The following EXT1 variants were observed in gnomAD, a reference collection of about 807,000 sequenced individuals.
EXT1 encodes exostosin-1.
In EXT1, 20 loss-of-function variants were observed where a neutral mutation model predicts 82.5. That is an observed-to-expected ratio of 0.24 (90% CI 0.17 to 0.35). The LOEUF (loss-of-function observed/expected upper bound fraction) is 0.35, where lower values mean the gene tolerates loss of function less well. Among genes scored for constraint, EXT1 ranks in the 10% least tolerant of loss-of-function variants. The pLI is 1.00. For synonymous variants in EXT1, 348 were observed against 350.8 expected (o/e 0.99, Z 0.09); for missense variants, 757 against 936.5 (o/e 0.81, Z 2.50).
At chr8:117,981,752 C>T (rs1815208484) in intron 1 of EXT1, among the ~76,000 whole-genome samples, 1 of 149,660 alleles carries the variant, frequency 6.7e-6, no homozygotes, top group South Asian at 2.1e-4. Context: ...CAGGCAGGCA[C>T]CTATAATCCC....
At chr8:118,104,632 C>T (rs751699927) in intron 1 of EXT1, among the ~76,000 whole-genome samples, 1 of 152,158 alleles carries the variant, frequency 6.6e-6, no homozygotes, top group African/African-American at 2.4e-5. Flanking sequence ...TGCTTGAGAC[C>T]AAAAGTGTTT....
intron 1 of EXT1, among the ~76,000 whole-genome samples, chr8:118,055,542 A>T (rs771293275): frequency 2.6e-5 from 4 of 152,220 alleles, no homozygotes; most frequent in African/African-American, 4.8e-5. Context: ...CGGTTTTTCC[A>T]GTATAAAGAA....
chr8:117,812,446 C>T (rs1241634034), intron 8 of EXT1, among the ~76,000 whole-genome samples: 1 of 152,122 alleles, frequency 6.6e-6, no homozygotes, highest in Admixed American at 6.5e-5. Context: ...TAGAGCTCCA[C>T]ATAGAGTCTC....
At chr8:117,986,966 T>C (rs1815334581) in intron 1 of EXT1, among the ~76,000 whole-genome samples, 1 of 152,208 alleles carries the variant, frequency 6.6e-6, no homozygotes, top group Non-Finnish European at 1.5e-5. Flanking sequence ...AATGCAAATT[T>C]GAGCCAGTGT....
intron 4 of EXT1, among the ~76,000 whole-genome samples, chr8:117,828,270 A>G (rs1308982328): frequency 6.6e-6 from 1 of 152,188 alleles, no homozygotes; most frequent in Non-Finnish European, 1.5e-5. Flanking sequence ...AAATGAATGT[A>G]TACTTCTTTA....
intron 4 of EXT1, among the ~76,000 whole-genome samples, chr8:117,824,286 T>A (rs1396514069): frequency 6.6e-6 from 1 of 152,222 alleles, no homozygotes; most frequent in Admixed American, 6.5e-5. Flanking sequence ...GGTCTTTGGA[T>A]GGTATGCTTG....
intron 1 of EXT1, among the ~76,000 whole-genome samples, chr8:117,874,813 GCA>G (rs1812938891): frequency 6.6e-6 from 1 of 152,108 alleles, no homozygotes; most frequent in Non-Finnish European, 1.5e-5. Flanking sequence ...TAGTGTCAAA[GCA>G]CAGATACAGG....
chr8:117,907,698 T>A lies in EXT1; in HGVS notation c.963-70497A>T, dbSNP rs557928445. Among the ~76,000 whole-genome samples, 10 of 152,308 alleles carry A rather than the reference T, an allele frequency of 6.6e-5. No homozygotes were observed. In the East Asian group the frequency reaches 1.7e-3, roughly 26 times the overall value. ...GAATTCATAAATTATGCTGTGAGAT[T>A]TACTCTCATACCACATTGAACTTGG... On this transcript the variant is annotated intron_variant, in intron 1 of 10. Transcript: ENST00000378204.
intron 1 of EXT1, among the ~76,000 whole-genome samples, chr8:117,963,547 G>A (rs139245481): frequency 6.6e-6 from 1 of 152,194 alleles, no homozygotes; most frequent in African/African-American, 2.4e-5. Context: ...CTGGACTGCA[G>A]TGCCAGGATC....
chr8:118,013,355 C>A (rs1815940107), intron 1 of EXT1, among the ~76,000 whole-genome samples: 1 of 152,074 alleles, frequency 6.6e-6, no homozygotes, highest in Non-Finnish European at 1.5e-5. Flanking sequence ...ATTACAGGAG[C>A]CCGTCACTGC....
intron 1 of EXT1, among the ~76,000 whole-genome samples, chr8:117,889,425 C>T (rs1313158857): frequency 2.6e-5 from 4 of 152,098 alleles, no homozygotes; most frequent in African/African-American, 7.2e-5. Flanking sequence ...TAGCCTGTAA[C>T]GGTGTTAGCA....
intron 1 of EXT1, among the ~76,000 whole-genome samples, chr8:117,925,705 C>CAAAAAAAAAAAAAAAAAA (rs3049788): frequency 2.0e-5 from 2 of 98,630 alleles, no homozygotes; most frequent in African/African-American, 3.7e-5. Context: ...CCTGTCTCTA[C>CAAAAAAAAAAAAAAAAAA]AAAAAAAAAA....
At chr8:117,813,692 T>C (rs940295157) in intron 7 of EXT1, among the ~76,000 whole-genome samples, 1 of 152,110 alleles carries the variant, frequency 6.6e-6, no homozygotes, top group Non-Finnish European at 1.5e-5. Context: ...TTCATTAAAA[T>C]GAGAAGTATA....
chr8:117,911,655 C>T (rs548772877), intron 1 of EXT1, among the ~76,000 whole-genome samples: 4 of 152,286 alleles, frequency 2.6e-5, no homozygotes, highest in South Asian at 2.1e-4. Context: ...ACTTATTCTG[C>T]GAGCTTGTAA....
At chr8:117,861,240 T>G (rs1033286206) in intron 1 of EXT1, among the ~76,000 whole-genome samples, 4 of 152,202 alleles carry the variant, frequency 2.6e-5, no homozygotes, top group Non-Finnish European at 4.4e-5. Flanking sequence ...TGAGCATCCT[T>G]TGCGAAGTCC....
intron 1 of EXT1, among the ~76,000 whole-genome samples, chr8:117,886,942 T>G (rs1813156754): frequency 6.6e-6 from 1 of 152,180 alleles, no homozygotes; most frequent in Non-Finnish European, 1.5e-5. Flanking sequence ...AGAGTTTGAA[T>G]CCCAGTTTTA....
At chr8:118,051,446 T>A (rs1816715594) in intron 1 of EXT1, among the ~76,000 whole-genome samples, 1 of 152,332 alleles carries the variant, frequency 6.6e-6, no homozygotes, top group African/African-American at 2.4e-5. Flanking sequence ...ATAAATTCAG[T>A]TTGCATCCTG....
In EXT1 at chr8:118,015,219, C is replaced by T. The variant is rs563558324; in HGVS notation, c.962+94866G>A. 3.9e-5 allele frequency among the ~76,000 whole-genome samples: 6 copies of T among 152,298 alleles called. No individual in the cohort carries two copies. The South Asian group carries it at 1.0e-3, about 26-fold the overall frequency. On this transcript the variant is annotated intron_variant, in intron 1 of 10. Transcript: ENST00000378204. ...CTGCTTACAGCCTTGCAAGCGCTGA[C>T]GCCACATCTGCTCGGCAATTCATGT...
intron 1 of EXT1, among the ~76,000 whole-genome samples, chr8:117,963,470 G>T (rs995623640): frequency 9.9e-5 from 15 of 151,900 alleles, no homozygotes; most frequent in African/African-American, 7.3e-5. Context: ...GTTTTGTTGT[G>T]GTGGTGGTGG....
Sources: gnomAD v4.1 joint callset for allele counts (sites outside exome capture counted in the v4.1 genomes callset) on GRCh38, gnomAD v4.1.1 for gene constraint, MANE v1.5 for transcripts, NCBI Gene and HGNC (gene_info 2026-07-23, HGNC 2026-07-21) for gene names.